Variants in DPP10 observed in about 807,000 individuals in gnomAD.
The protein encoded by DPP10 is inactive dipeptidyl peptidase 10.
A neutral mutation model predicts 120.9 loss-of-function variants in DPP10; 33 were observed. The observed-to-expected ratio is 0.27, with a 90% CI of 0.21 to 0.37. DPP10 has a LOEUF of 0.37. Ranked by LOEUF, DPP10 falls within the 10% of genes least tolerant of loss-of-function variation. The pLI, the probability that DPP10 is intolerant of heterozygous loss-of-function variation, is 1.00. For synonymous variants in DPP10, 337 were observed against 326.1 expected, an observed-to-expected ratio of 1.03 and a Z score of -0.36; for missense variants, 816 against 942.8, an observed-to-expected ratio of 0.87 and a Z score of 1.76.
chr2:114,571,809 A>G (rs572473642), intron 1 of DPP10, among the ~76,000 whole-genome samples: 1 of 149,560 alleles, frequency 6.7e-6, no homozygotes, highest in Non-Finnish European at 1.5e-5. Flanking sequence ...TACTACATAT[A>G]TTGTGTATAT....
At chr2:114,979,221 G>A (rs925829788) in intron 1 of DPP10, among the ~76,000 whole-genome samples, 3 of 151,790 alleles carry the variant, frequency 2.0e-5, no homozygotes, top group Non-Finnish European at 4.4e-5. Flanking sequence ...TGTTAATCAG[G>A]CTCATTGGGG....
intron 1 of DPP10, among the ~76,000 whole-genome samples, chr2:114,904,683 C>G (rs916826361): frequency 2.6e-5 from 4 of 151,984 alleles, no homozygotes; most frequent in African/African-American, 9.7e-5. Context: ...CAAGTATGAA[C>G]TGAAGGGAAC....
chr2:115,159,848 A>T (rs1190778069), intron 1 of DPP10, among the ~76,000 whole-genome samples: 1 of 152,196 alleles, frequency 6.6e-6, no homozygotes, highest in Non-Finnish European at 1.5e-5. Flanking sequence ...AGTTGAACTC[A>T]ATCAAATAAG....
intron 8 of DPP10, among the ~76,000 whole-genome samples, chr2:115,739,429 C>T (rs1676981366): frequency 6.6e-6 from 1 of 151,832 alleles, no homozygotes; most frequent in Admixed American, 6.6e-5. Context: ...GGTTTTAGGC[C>T]ACATCTCACT....
At chr2:115,354,093 C>G (rs776916997) in intron 3 of DPP10, among the ~76,000 whole-genome samples, 2 of 151,986 alleles carry the variant, frequency 1.3e-5, no homozygotes, top group Non-Finnish European at 2.9e-5. Context: ...GAAGTCATTG[C>G]AGATAATCAT....
chr2:114,748,356 T>TTA lies in DPP10; in HGVS notation c.60+305519_60+305520insAT, dbSNP rs1553418230. On this transcript the variant is annotated intron_variant, in intron 1 of 25. Coordinates refer to ENST00000410059, the MANE Select transcript of DPP10 (RefSeq NM_020868.6). ...GAATTTTCTTTTTTTTTTTTATTTT[T>TTA]TTTTATTTTATTTATTTATTTATTT... Among the ~76,000 whole-genome samples, 458 of 133,544 alleles carry TTA rather than the reference T, an allele frequency of 3.4e-3. 20 individuals are homozygous for TTA. The highest frequency in any genetic ancestry group is 4.6e-3 in the Non-Finnish European group (297 of 64,146). The allele number at this position is 133,544 out of a possible 152,430, so 87.6% of individuals were successfully genotyped here. A position where few individuals can be genotyped will look rare whatever the true frequency, so the allele number is the denominator to read the frequency against.
At chr2:115,554,034 CACACACA>C (rs1575163400) in intron 5 of DPP10, among the ~76,000 whole-genome samples, 1 of 150,136 alleles carries the variant, frequency 6.7e-6, no homozygotes, top group South Asian at 2.1e-4. Flanking sequence ...CACACACACA[CACACACA>C]CCAAATTAAC....
chr2:115,499,600 C>G lies in DPP10; in HGVS notation c.362C>G (p.Thr121Ser). Reference protein sequence around the residue: ...NATTLLLENTTFVTFKASRHS... With the variant: ...NATTLLLENTSFVTFKASRHS... The stretch of plus-strand genomic sequence containing the variant: ...ACCACATTATTATTGGAAAACACAA[C>G]TTTTGTAAGTAATGAATAATTAATT... Residue 121 changes from threonine to serine, a missense_variant, in exon 4 of 26, where the codon ACT becomes AGT. Thr to Ser is a moderately conservative substitution (Grantham distance 58). Transcript: ENST00000410059. 1 of 1,605,816 alleles carries G rather than the reference C, an allele frequency of 6.2e-7. No individual in the cohort carries two copies. The highest frequency in any genetic ancestry group is 1.1e-5 in the South Asian group (1 of 90,734).
chr2:115,533,386 G>T (rs1008983511), intron 5 of DPP10, among the ~76,000 whole-genome samples: 1 of 152,044 alleles, frequency 6.6e-6, no homozygotes, highest in Admixed American at 6.6e-5. Flanking sequence ...CAAAAGATCA[G>T]CATTGTTATT....
chr2:115,242,146 C>T (rs925105192), intron 1 of DPP10, among the ~76,000 whole-genome samples: 6 of 152,084 alleles, frequency 3.9e-5, no homozygotes, highest in African/African-American at 1.4e-4. Flanking sequence ...TTTTATCCCT[C>T]ATGCTCTTCC....
At chr2:115,617,946 C>T (rs1022060121) in intron 5 of DPP10, among the ~76,000 whole-genome samples, 2 of 152,152 alleles carry the variant, frequency 1.3e-5, no homozygotes, top group Admixed American at 6.5e-5. Flanking sequence ...GTCTCTCTCT[C>T]TAATTTTATT....
At chr2:115,011,737 TC>T (rs1228169980) in intron 1 of DPP10, among the ~76,000 whole-genome samples, 9 of 152,134 alleles carry the variant, frequency 5.9e-5, no homozygotes, top group Admixed American at 5.9e-4. Context: ...CAACTTTTGC[TC>T]CAAGAACTAC....
chr2:114,771,398 G>A (rs749539615), intron 1 of DPP10, among the ~76,000 whole-genome samples: 3 of 152,098 alleles, frequency 2.0e-5, no homozygotes, highest in Admixed American at 6.5e-5. Context: ...AACATCCCTC[G>A]TTGTTTTACC....
chr2:114,933,827 G>A (rs761232974), intron 1 of DPP10, among the ~76,000 whole-genome samples: 19 of 152,102 alleles, frequency 1.2e-4, no homozygotes, highest in Non-Finnish European at 2.1e-4. Flanking sequence ...CCAGAGAGGG[G>A]CCTAAGAATT....
intron 11 of DPP10, among the ~76,000 whole-genome samples, chr2:115,756,298 G>C (rs562491016): frequency 5.9e-5 from 9 of 152,174 alleles, no homozygotes; most frequent in Admixed American, 5.9e-4. Flanking sequence ...TAATGATTTA[G>C]TGTTTATTTT....
chr2:114,461,506 G>A (rs1251780064), intron 1 of DPP10: 1 of 874,662 alleles, frequency 1.1e-6, no homozygotes, highest in Non-Finnish European at 1.4e-6. Context: ...CAACCAATTA[G>A]CCTCTCCCAC....
rs188465699 is a variant in DPP10, at chr2:115,841,606, G to A, written c.2257-605G>A. 3.3e-3 allele frequency among the ~76,000 whole-genome samples: 503 copies of A among 152,288 alleles called. 3 individuals carry two copies. The highest frequency in any genetic ancestry group is 0.011 in the African/African-American group (473 of 41,568). On this transcript the variant is annotated intron_variant, in intron 25 of 25. Coordinates refer to ENST00000410059, the MANE Select transcript of DPP10 (RefSeq NM_020868.6). ...CAGGTCATTCCATAAGCAATGTTGA[G>A]GAGTATGGAGTTTTATTCAAAGGGC...
chr2:115,812,428 A>G (rs1686744455), intron 19 of DPP10, among the ~76,000 whole-genome samples: 2 of 152,194 alleles, frequency 1.3e-5, no homozygotes, highest in Non-Finnish European at 2.9e-5. Context: ...CTCAAATGTT[A>G]AACAAGCTGT....
At chr2:114,648,164 C>T (rs984587667) in intron 1 of DPP10, among the ~76,000 whole-genome samples, 3 of 152,254 alleles carry the variant, frequency 2.0e-5, no homozygotes, top group South Asian at 2.1e-4. Flanking sequence ...ACGTGACTCC[C>T]ACTCTCGTCC....
Sources: allele counts gnomAD v4.1 joint callset (sites outside exome capture counted in the v4.1 genomes callset), GRCh38; gene constraint gnomAD v4.1.1; transcripts MANE v1.5; gene names NCBI Gene and HGNC (gene_info 2026-07-23, HGNC 2026-07-21).